Variants in ROBO2 observed in about 807,000 individuals in gnomAD.
ROBO2 encodes the protein roundabout homolog 2.
ROBO2 carries 53 observed loss-of-function variants against 160.8 expected under a neutral mutation model. That is an observed-to-expected ratio of 0.33 (90% CI 0.26 to 0.41). The LOEUF (loss-of-function observed/expected upper bound fraction) is 0.41. ROBO2 is among the 10% of genes least tolerant of loss of function. The pLI is 1.00. For synonymous variants in ROBO2, 664 were observed against 611.7 expected, an observed-to-expected ratio of 1.09 and a Z score of -1.26; for missense variants, 1,577 against 1,722.4, an observed-to-expected ratio of 0.92 and a Z score of 1.49.
intron 22 of ROBO2, among the ~76,000 whole-genome samples, chr3:77,620,413 T>TA (rs1011089623): frequency 1.3e-5 from 2 of 152,250 alleles, no homozygotes; most frequent in Non-Finnish European, 2.9e-5. Flanking sequence ...GTACATTTTT[T>TA]ATTCCATCAA....
At chr3:76,907,094 G>A (rs1365568558) in intron 2 of ROBO2, among the ~76,000 whole-genome samples, 1 of 152,068 alleles carries the variant, frequency 6.6e-6, no homozygotes, top group Non-Finnish European at 1.5e-5. Context: ...AATATTACCT[G>A]CATCATAGTT....
At chr3:76,998,312 A>G (rs1232831948) in intron 2 of ROBO2, among the ~76,000 whole-genome samples, 1 of 152,182 alleles carries the variant, frequency 6.6e-6, no homozygotes, top group Non-Finnish European at 1.5e-5. Context: ...CATTGAAAAG[A>G]AAATAAAAGC....
rs1038890698 is a variant in ROBO2 at position 76,666,111 on chromosome 3, C to T, written c.110-431903C>T. On this transcript the variant is annotated intron_variant, in intron 2 of 26. Coordinates refer to the ROBO2 transcript ENST00000487694. Reference sequence around the variant, plus strand: ...TCCATTTTGTTTCCCTTTCCTATAGCTGTAAATATAGCTATTGTAGATGTT... The same window carrying T: ...TCCATTTTGTTTCCCTTTCCTATAGTTGTAAATATAGCTATTGTAGATGTT... Among the ~76,000 whole-genome samples the T allele has an allele frequency of 7.9e-4, 117 of 147,990 alleles. 1 individual carries two copies. Among genetic ancestry groups the T allele is most frequent in the Admixed American group, 6.8e-3 (99 of 14,548 alleles).
intron 6 of ROBO2, among the ~76,000 whole-genome samples, chr3:77,539,576 G>A (rs1247333770): frequency 2.0e-5 from 3 of 152,080 alleles, no homozygotes; most frequent in Non-Finnish European, 4.4e-5. Flanking sequence ...GGTATAATGA[G>A]ATGGAAAAAA....
intron 2 of ROBO2, among the ~76,000 whole-genome samples, chr3:76,356,911 T>C (rs995766246): frequency 6.6e-6 from 1 of 152,070 alleles, no homozygotes; most frequent in Non-Finnish European, 1.5e-5. Context: ...AGAATCTATC[T>C]AAATGTGAGT....
At chr3:76,085,445 C>T (rs2068979969) in intron 2 of ROBO2, among the ~76,000 whole-genome samples, 1 of 152,060 alleles carries the variant, frequency 6.6e-6, no homozygotes, top group African/African-American at 2.4e-5. Context: ...ATATCTTTAT[C>T]TTTTAAATAG....
intron 2 of ROBO2, among the ~76,000 whole-genome samples, chr3:76,059,277 G>A (rs2067980095): frequency 6.6e-6 from 1 of 151,332 alleles, no homozygotes; most frequent in African/African-American, 2.4e-5. Flanking sequence ...CAGTGTAAAA[G>A]TGTTCCTATT....
At chr3:77,335,484 C>G (rs897476268) in intron 2 of ROBO2, among the ~76,000 whole-genome samples, 1 of 152,264 alleles carries the variant, frequency 6.6e-6, no homozygotes, top group East Asian at 1.9e-4. Context: ...TACCTATGTT[C>G]TTTAACTTAA....
At chr3:76,080,647 T>C (rs2068794225) in intron 2 of ROBO2, among the ~76,000 whole-genome samples, 1 of 152,332 alleles carries the variant, frequency 6.6e-6, no homozygotes, top group South Asian at 2.1e-4. Flanking sequence ...CATTTATAAA[T>C]GAAAGCATTT....
At chr3:76,936,284 A>G (rs532548965) in intron 2 of ROBO2, among the ~76,000 whole-genome samples, 1 of 152,198 alleles carries the variant, frequency 6.6e-6, no homozygotes, top group Non-Finnish European at 1.5e-5. Flanking sequence ...TAGCTTTCCA[A>G]TAATGTGAAG....
intron 2 of ROBO2, among the ~76,000 whole-genome samples, chr3:76,183,763 A>G (rs905424075): frequency 6.6e-6 from 1 of 152,136 alleles, no homozygotes; most frequent in Non-Finnish European, 1.5e-5. Context: ...TATCATGTTT[A>G]TAAGTTGAAT....
At chr3:77,379,578 A>G (rs2073164590) in intron 2 of ROBO2, among the ~76,000 whole-genome samples, 1 of 152,250 alleles carries the variant, frequency 6.6e-6, no homozygotes. Context: ...TAAAGTAAAT[A>G]TAGAATAAAA....
At chr3:76,775,082 T>C (rs1005185413) in intron 2 of ROBO2, among the ~76,000 whole-genome samples, 15 of 150,734 alleles carry the variant, frequency 1.0e-4, no homozygotes, top group Non-Finnish European at 2.2e-4. Context: ...TTCTAAAAAC[T>C]TATTTTTCTA....
intron 6 of ROBO2, among the ~76,000 whole-genome samples, chr3:77,524,575 T>C (rs1047761704): frequency 1.3e-5 from 2 of 151,422 alleles, no homozygotes; most frequent in East Asian, 1.9e-4. Flanking sequence ...AGTTGTTTGT[T>C]TGTAGAAGCA....
intron 2 of ROBO2, among the ~76,000 whole-genome samples, chr3:76,166,391 T>C (rs2072838862): frequency 6.6e-6 from 1 of 152,204 alleles, no homozygotes; most frequent in Non-Finnish European, 1.5e-5. Context: ...CATGTTCAGC[T>C]CATGTTCAGC....
At chr3:75,966,216 A>G (rs1337185816) in intron 2 of ROBO2, among the ~76,000 whole-genome samples, 1 of 151,750 alleles carries the variant, frequency 6.6e-6, no homozygotes, top group Non-Finnish European at 1.5e-5. Context: ...AAACTGTAAG[A>G]CACAATGTCA....
intron 2 of ROBO2, among the ~76,000 whole-genome samples, chr3:76,782,914 T>C (rs1489744776): frequency 6.6e-6 from 1 of 150,772 alleles, no homozygotes; most frequent in African/African-American, 2.4e-5. Flanking sequence ...ATTTTGTTAG[T>C]TTTGGGGTTT....
At chr3:77,211,293 C>T (rs62251851) in intron 2 of ROBO2, among the ~76,000 whole-genome samples, 14 of 152,186 alleles carry the variant, frequency 9.2e-5, no homozygotes, top group African/African-American at 2.9e-4. Flanking sequence ...AACTGGTGTG[C>T]GATGGTATCT....
At chr3:77,436,686 G>GAAT (rs1400956531) in intron 2 of ROBO2, among the ~76,000 whole-genome samples, 1 of 151,602 alleles carries the variant, frequency 6.6e-6, no homozygotes, top group Non-Finnish European at 1.5e-5. Context: ...CTGGATTTCA[G>GAAT]AATAATAATA....
Sources: allele counts gnomAD v4.1 joint callset (sites outside exome capture counted in the v4.1 genomes callset), GRCh38; gene constraint gnomAD v4.1.1; transcripts MANE v1.5; gene names NCBI Gene and HGNC (gene_info 2026-07-23, HGNC 2026-07-21).